The following PLCB4 variants were observed in gnomAD, a reference collection of about 807,000 sequenced individuals.
PLCB4 encodes 1-phosphatidylinositol 4,5-bisphosphate phosphodiesterase beta-4.
In PLCB4, 77 loss-of-function variants were observed where a neutral mutation model predicts 178.8. That is an observed-to-expected ratio of 0.43 (90% CI 0.36 to 0.52). PLCB4 has a LOEUF of 0.52. Among genes scored for constraint, PLCB4 ranks in the 20% least tolerant of loss-of-function variants. PLCB4 has a pLI of 0.00. For missense variants in PLCB4, 1,024 were observed against 1,453.4 expected, an observed-to-expected ratio of 0.70 and a Z score of 4.80; for synonymous variants, 496 against 490.8, an observed-to-expected ratio of 1.01 and a Z score of -0.14.
intron 7 of PLCB4, among the ~76,000 whole-genome samples, chr20:9,355,168 T>G (rs1195968194): frequency 6.6e-6 from 1 of 152,196 alleles, no homozygotes; most frequent in Non-Finnish European, 1.5e-5. Flanking sequence ...GCTGGAAATG[T>G]CTTCCCTTTA....
At chr20:9,072,558 T>C (rs1041987475) in intron 1 of PLCB4, among the ~76,000 whole-genome samples, 2 of 152,128 alleles carry the variant, frequency 1.3e-5, no homozygotes, top group Non-Finnish European at 2.9e-5. Context: ...ATGTTTACAT[T>C]GTCTTGGTTG....
chr20:9,417,218 T>A (rs1361245205), intron 25 of PLCB4, among the ~76,000 whole-genome samples: 1 of 151,990 alleles, frequency 6.6e-6, no homozygotes, highest in Non-Finnish European at 1.5e-5. Flanking sequence ...AATTTTTTAA[T>A]TTTTTTTAAG....
intron 1 of PLCB4, among the ~76,000 whole-genome samples, chr20:9,094,416 CT>C (rs1024374170): frequency 6.9e-4 from 104 of 150,798 alleles, no homozygotes; most frequent in African/African-American, 2.5e-3. Flanking sequence ...TAAAGTATTT[CT>C]TTTTTTTTGT....
intron 33 of PLCB4, among the ~76,000 whole-genome samples, chr20:9,453,887 A>G (rs762668482): frequency 1.3e-5 from 2 of 152,202 alleles, no homozygotes; most frequent in African/African-American, 2.4e-5. Flanking sequence ...AAATGTTAAC[A>G]TCTCACATAA....
At chr20:9,361,968 A>G (rs1317960980) in intron 7 of PLCB4, among the ~76,000 whole-genome samples, 1 of 152,234 alleles carries the variant, frequency 6.6e-6, no homozygotes, top group Non-Finnish European at 1.5e-5. Flanking sequence ...TAGACAGTGC[A>G]TATAGAGTAT....
chr20:9,196,084 G>A (rs2093468469), intron 2 of PLCB4, among the ~76,000 whole-genome samples: 1 of 152,150 alleles, frequency 6.6e-6, no homozygotes. Flanking sequence ...GTTAAGTAAA[G>A]GACTGGTAGA....
chr20:9,090,455 C>T (rs2090627276), intron 1 of PLCB4, among the ~76,000 whole-genome samples: 1 of 150,080 alleles, frequency 6.7e-6, no homozygotes, highest in African/African-American at 2.4e-5. Context: ...TGGAAGTGTG[C>T]TTTGTCACCC....
intron 3 of PLCB4, among the ~76,000 whole-genome samples, chr20:9,226,789 C>T (rs997341232): frequency 5.9e-5 from 9 of 152,074 alleles, no homozygotes; most frequent in Non-Finnish European, 8.8e-5. Context: ...TGCAAGGCAC[C>T]GATGTTGAGG....
At chr20:9,404,111 T>G (rs1436495047) in intron 20 of PLCB4, among the ~76,000 whole-genome samples, 3 of 152,168 alleles carry the variant, frequency 2.0e-5, no homozygotes, top group African/African-American at 7.2e-5. Context: ...GGAGTGTGTT[T>G]GAAAACTTGG....
rs2092564488 is a variant in PLCB4 at position 9,144,738 on chromosome 20, AGG to A, written c.-79+48399_-79+48400del. On this transcript the variant is annotated intron_variant, in intron 2 of 39. Transcript: ENST00000378473. Reference sequence around the variant, plus strand: ...GGGAAGAAGGGGAAGGAGGGGAAGGAGGGGAAGGAGGGGAAGGAGGGGAAGGA... The same window carrying A: ...GGGAAGAAGGGGAAGGAGGGGAAGGAGGAAGGAGGGGAAGGAGGGGAAGGA... Among the ~76,000 whole-genome samples the A allele has an allele frequency of 1.5e-4, 4 of 25,936 alleles. No homozygotes were observed. The Admixed American group carries it at 2.0e-3, about 13-fold the overall frequency. 17.0% of individuals were successfully genotyped at this position (25,936 alleles called of 152,430 possible).
At chr20:9,107,707 T>G (rs2091418942) in intron 2 of PLCB4, among the ~76,000 whole-genome samples, 1 of 152,042 alleles carries the variant, frequency 6.6e-6, no homozygotes, top group Non-Finnish European at 1.5e-5. Context: ...ACTCCTGCTG[T>G]AAATGGAATA....
At chr20:9,176,011 TC>T (rs1324011677) in intron 2 of PLCB4, among the ~76,000 whole-genome samples, 1 of 152,124 alleles carries the variant, frequency 6.6e-6, no homozygotes, top group African/African-American at 2.4e-5. Context: ...CTTCTTGAAG[TC>T]CATTTTTCCC....
chr20:9,434,332 A>G (rs1357419844), intron 28 of PLCB4, among the ~76,000 whole-genome samples: 1 of 152,096 alleles, frequency 6.6e-6, no homozygotes, highest in Non-Finnish European at 1.5e-5. Flanking sequence ...CATTTTATAT[A>G]TTTGAATGTT....
intron 2 of PLCB4, among the ~76,000 whole-genome samples, chr20:9,197,769 A>C (rs2093490666): frequency 6.6e-6 from 1 of 152,222 alleles, no homozygotes; most frequent in Admixed American, 6.5e-5. Flanking sequence ...TGAGATCAGA[A>C]GTTTGAGACC....
chr20:9,459,570 G>A, intron 34 of PLCB4, 65 bp from the exon 35 acceptor site: 1 of 1,190,352 alleles, frequency 8.4e-7, no homozygotes, highest in Non-Finnish European at 1.2e-6. Context: ...GAATAATGTT[G>A]TGCTTTTGGG....
intron 35 of PLCB4, among the ~76,000 whole-genome samples, chr20:9,465,609 C>T (rs890992811): frequency 6.6e-6 from 1 of 152,166 alleles, no homozygotes; most frequent in Non-Finnish European, 1.5e-5. Context: ...AATCAATGTG[C>T]AAAAATCACA....
At chr20:9,464,231 T>C (rs969845506) in intron 35 of PLCB4, among the ~76,000 whole-genome samples, 3 of 152,110 alleles carry the variant, frequency 2.0e-5, no homozygotes, top group Admixed American at 6.6e-5. Context: ...TTGAAACCAA[T>C]GAGAACAAAG....
intron 2 of PLCB4, among the ~76,000 whole-genome samples, chr20:9,169,057 C>T (rs1326745004): frequency 6.6e-6 from 1 of 152,078 alleles, no homozygotes; most frequent in Non-Finnish European, 1.5e-5. Context: ...CAATCAGGAG[C>T]CTTTTAAATG....
intron 2 of PLCB4, among the ~76,000 whole-genome samples, chr20:9,193,382 C>T (rs546104161): frequency 6.6e-6 from 1 of 152,286 alleles, no homozygotes; most frequent in East Asian, 1.9e-4. Flanking sequence ...TAGAAAGACA[C>T]AGGTTGGTTC....
Sources: gnomAD v4.1 joint callset for allele counts (sites outside exome capture counted in the v4.1 genomes callset) on GRCh38, gnomAD v4.1.1 for gene constraint, MANE v1.5 for transcripts, NCBI Gene and HGNC (gene_info 2026-07-23, HGNC 2026-07-21) for gene names.